Variants in SIK3 observed in about 807,000 individuals in gnomAD.
SIK3 encodes the protein serine/threonine-protein kinase SIK3.
Under a neutral mutation model 144.2 loss-of-function variants are expected in SIK3, and 28 were observed. That is an observed-to-expected ratio of 0.19 (90% CI 0.14 to 0.27). The LOEUF is 0.27. SIK3 is among the 10% of genes least tolerant of loss of function. The pLI is 1.00. For synonymous variants in SIK3, 686 were observed against 676.3 expected, an observed-to-expected ratio of 1.01 and a Z score of -0.22; for missense variants, 1,319 against 1,776.0, an observed-to-expected ratio of 0.74 and a Z score of 4.62.
At chr11:116,857,266 T>C (rs1289590392) in intron 21 of SIK3, 2 of 155,262 alleles carry the variant, frequency 1.3e-5, no homozygotes, top group African/African-American at 4.8e-5. Flanking sequence ...ATGCAAACAT[T>C]ATGTAGAAAC....
At chr11:116,912,030 T>C (rs1946376636) in intron 4 of SIK3, among the ~76,000 whole-genome samples, 1 of 152,232 alleles carries the variant, frequency 6.6e-6, no homozygotes, top group Admixed American at 6.5e-5. Context: ...CATGTGGCCA[T>C]GGTCATTTAT....
chr11:117,023,008 T>A (rs4936359), intron 1 of SIK3, among the ~76,000 whole-genome samples: 24,739 of 152,018 alleles, frequency 0.16, 2,127 homozygotes, highest in Admixed American at 0.21. Context: ...GCAAAAAGAG[T>A]TCCTTCTTGA....
At chr11:117,081,813 T>G (rs914410827) in intron 1 of SIK3, among the ~76,000 whole-genome samples, 4 of 152,140 alleles carry the variant, frequency 2.6e-5, no homozygotes, top group African/African-American at 4.8e-5. Context: ...TTAAAGACAC[T>G]TGTGCTGCAA....
intron 1 of SIK3, among the ~76,000 whole-genome samples, chr11:117,071,323 A>G (rs775726320): frequency 1.3e-5 from 2 of 152,148 alleles, no homozygotes; most frequent in Non-Finnish European, 2.9e-5. Flanking sequence ...AATCAGATTT[A>G]AAGTAGCATA....
chr11:117,002,098 A>G lies in SIK3; in HGVS notation c.274-45034T>C, dbSNP rs1950873966. ...TTCCCTGAACTTGTATGCTTTTTCA[A>G]ACCTGTCTTTTTATCTCACCCAAAA... On this transcript the variant is annotated intron_variant, in intron 1 of 24. Transcript: ENST00000445177. Among the ~76,000 whole-genome samples, 5 of 152,268 alleles carry G rather than the reference A, an allele frequency of 3.3e-5. No homozygotes were observed. In the South Asian group the frequency reaches 1.0e-3, roughly 32 times the overall value.
At chr11:116,861,252 T>C (rs748172112) in intron 19 of SIK3, 22 bp downstream of exon 19, 1 of 1,518,762 alleles carries the variant, frequency 6.6e-7, no homozygotes, top group Non-Finnish European at 9.0e-7. Context: ...ATGAACTGTT[T>C]GGTCTGAACC....
intron 6 of SIK3, among the ~76,000 whole-genome samples, chr11:116,878,792 T>C (rs1239353781): frequency 1.3e-5 from 2 of 152,218 alleles, no homozygotes; most frequent in East Asian, 3.8e-4. Flanking sequence ...TGTTTGTTTT[T>C]TCCTTTAGTG....
chr11:116,868,925 T>A (rs533547754), intron 14 of SIK3: 6 of 152,280 alleles, frequency 3.9e-5, no homozygotes, highest in African/African-American at 1.4e-4. Context: ...TCTGGAGGCA[T>A]GAATAAAAGA....
intron 3 of SIK3, among the ~76,000 whole-genome samples, chr11:116,941,230 T>TCCGC (rs1948282399): frequency 6.6e-6 from 1 of 151,940 alleles, no homozygotes; most frequent in Non-Finnish European, 1.5e-5. Flanking sequence ...ATGGTCTCAA[T>TCCGC]CTCCTGACCT....
At chr11:116,936,485 G>A (rs1041453173) in intron 3 of SIK3, among the ~76,000 whole-genome samples, 14 of 152,096 alleles carry the variant, frequency 9.2e-5, no homozygotes, top group South Asian at 4.1e-4. Context: ...CTGAACTAAC[G>A]TTCTCTTTAT....
chr11:116,958,379 A>G lies in SIK3; in HGVS notation c.274-1315T>C, dbSNP rs546381381. Among the ~76,000 whole-genome samples the G allele has an allele frequency of 8.1e-4, 124 of 152,346 alleles. 1 individual carries two copies. The highest frequency in any genetic ancestry group is 2.9e-3 in the African/African-American group (122 of 41,596). On this transcript the variant is annotated intron_variant, in intron 1 of 24. Transcript: ENST00000445177. ...CCACGGGAGAAAGGCACAGGGAGAT[A>G]AATTTCAGCTGTACTCAAAGAGCAT...
intron 21 of SIK3, chr11:116,855,771 G>T (rs1158689964): frequency 3.9e-5 from 6 of 152,186 alleles, no homozygotes; most frequent in Admixed American, 3.9e-4. Context: ...TCTTGACTTT[G>T]GGGACAAGTT....
chr11:116,914,414 G>T (rs554075187), intron 4 of SIK3, among the ~76,000 whole-genome samples: 2 of 152,072 alleles, frequency 1.3e-5, no homozygotes, highest in Non-Finnish European at 2.9e-5. Context: ...TCACCATGTT[G>T]GCCAGGCTGG....
Position 116,896,238 on chromosome 11 carries a change from T to TA in SIK3, c.865+14dup. ...CATGAACCCATTCATAGCTGTGTGCTAGCGACTCCCTTACCTGTGGACATA... is the reference window on the plus strand; with the variant it reads ...CATGAACCCATTCATAGCTGTGTGCTAAGCGACTCCCTTACCTGTGGACATA... On this transcript the variant is annotated intron_variant, in intron 6 of 24. Coordinates refer to ENST00000445177, the MANE Select transcript of SIK3 (RefSeq NM_001366686.3). 6.2e-7 allele frequency: 1 copy of TA among 1,612,952 alleles called. No individual in the cohort carries two copies. The highest frequency in any genetic ancestry group is 8.5e-7 in the Non-Finnish European group (1 of 1,179,232).
intron 2 of SIK3, 55 bp downstream of exon 2, chr11:116,956,893 T>C (rs866949487): frequency 9.2e-7 from 1 of 1,087,822 alleles, no homozygotes. Context: ...AAGGGAGCCA[T>C]ACATACAATA....
chr11:116,935,663 C>T (rs746641608), intron 3 of SIK3, among the ~76,000 whole-genome samples: 13 of 152,174 alleles, frequency 8.5e-5, no homozygotes, highest in Non-Finnish European at 4.4e-5. Context: ...ATTAGCAATA[C>T]TTGGTTTGCT....
At chr11:116,898,524 G>A (rs1451448655) in intron 4 of SIK3, among the ~76,000 whole-genome samples, 1 of 152,178 alleles carries the variant, frequency 6.6e-6, no homozygotes, top group East Asian at 1.9e-4. Flanking sequence ...GGTATTTCTA[G>A]TTCTAGATCC....
chr11:117,092,036 TGC>T (rs1955271168), intron 1 of SIK3, among the ~76,000 whole-genome samples: 1 of 151,872 alleles, frequency 6.6e-6, no homozygotes, highest in Admixed American at 6.6e-5. Context: ...TCCTGCCTCA[TGC>T]CCCCCCAAAG....
intron 1 of SIK3, among the ~76,000 whole-genome samples, chr11:116,974,959 C>T (rs1949894188): frequency 6.6e-6 from 1 of 152,008 alleles, no homozygotes; most frequent in Non-Finnish European, 1.5e-5. Flanking sequence ...AAATAGTATC[C>T]ATCTCTCCTC....
Sources: allele counts gnomAD v4.1 joint callset (sites outside exome capture counted in the v4.1 genomes callset), GRCh38; gene constraint gnomAD v4.1.1; transcripts MANE v1.5; gene names NCBI Gene and HGNC (gene_info 2026-07-23, HGNC 2026-07-21).